DCAF6: variants seen among roughly 807,000 people sequenced by gnomAD.
DCAF6 encodes the protein DDB1- and CUL4-associated factor 6.
DCAF6 carries 54 observed loss-of-function variants against 125.1 expected under a neutral mutation model. The ratio of observed to expected loss-of-function variants is 0.43; its 90% CI spans 0.35 to 0.54. The LOEUF (loss-of-function observed/expected upper bound fraction) is 0.54. Ranked by LOEUF, DCAF6 falls within the 20% of genes least tolerant of loss-of-function variation. The probability of loss-of-function intolerance (pLI) is 0.01; values close to 1 mark genes in which losing one functional copy is unlikely to be tolerated. For synonymous variants in DCAF6, 371 were observed against 390.4 expected, an observed-to-expected ratio of 0.95 and a Z score of 0.58; for missense variants, 934 against 1,161.7, an observed-to-expected ratio of 0.80 and a Z score of 2.85.
chr1:168,035,391 G>A (rs1558008157), intron 12 of DCAF6, among the ~76,000 whole-genome samples: 1 of 152,130 alleles, frequency 6.6e-6, no homozygotes, highest in Admixed American at 6.5e-5. Context: ...AGGATGCAGC[G>A]AGCCATGATT....
chr1:167,976,886 GTTTTTTTTTTTTT>G (rs397981860), intron 4 of DCAF6, among the ~76,000 whole-genome samples: 25 of 38,064 alleles, frequency 6.6e-4, no homozygotes, highest in African/African-American at 8.2e-4. Flanking sequence ...TCCTTTAGCA[GTTTTTTTTTTTTT>G]TTTTTTTTTT....
intron 13 of DCAF6, among the ~76,000 whole-genome samples, chr1:168,041,885 G>C (rs966130612): frequency 2.7e-4 from 30 of 110,046 alleles, no homozygotes; most frequent in African/African-American, 1.1e-3. Context: ...AGAAATACAT[G>C]TTTGTCGCGC....
At chr1:167,974,472 G>A (rs1261447621) in intron 3 of DCAF6, among the ~76,000 whole-genome samples, 1 of 151,968 alleles carries the variant, frequency 6.6e-6, no homozygotes, top group Non-Finnish European at 1.5e-5. Flanking sequence ...ATCCTGAAAG[G>A]GAATAACTTA....
chr1:167,876,307 G>A, the DCAF6 span, among the ~76,000 whole-genome samples: 1 of 151,638 alleles, frequency 6.6e-6, no homozygotes, highest in African/African-American at 2.4e-5. Flanking sequence ...TGCCAGTGAG[G>A]AAATTCAGGC....
intron 14 of DCAF6, among the ~76,000 whole-genome samples, chr1:168,044,341 G>A (rs1688893567): frequency 6.6e-6 from 1 of 152,020 alleles, no homozygotes; most frequent in Admixed American, 6.6e-5. Context: ...ACAATAAAAA[G>A]GAACATAGAT....
the DCAF6 span, chr1:167,880,205 G>T: frequency 1.2e-6 from 2 of 1,606,274 alleles, no homozygotes; most frequent in South Asian, 1.1e-5. Context: ...GTGCAGGGGA[G>T]ACAAGATTTG....
chr1:167,932,181 A>T (rs1451268832), upstream of DCAF6, among the ~76,000 whole-genome samples: 1 of 152,230 alleles, frequency 6.6e-6, no homozygotes, highest in East Asian at 1.9e-4. Flanking sequence ...TAGACTCTTT[A>T]GAGCTGTGGT....
intron 7 of DCAF6, among the ~76,000 whole-genome samples, chr1:167,998,011 C>G (rs1682002362): frequency 6.6e-6 from 1 of 152,036 alleles, no homozygotes; most frequent in South Asian, 2.1e-4. Context: ...CAAGTTTTGA[C>G]AAACATGTAG....
At chr1:167,875,910 A>G in the DCAF6 span, among the ~76,000 whole-genome samples, 1 of 151,114 alleles carries the variant, frequency 6.6e-6, no homozygotes. Flanking sequence ...CCGAGATCGC[A>G]CCACTGCACT....
chr1:168,044,949 A>G lies in DCAF6; in HGVS notation c.1980A>G (p.Glu660=). The G allele has an allele frequency of 6.2e-7, 1 of 1,614,084 alleles. No homozygotes were observed. The highest frequency in any genetic ancestry group is 8.5e-7 in the Non-Finnish European group (1 of 1,179,960). ...TAKPLDSNSG[E]RNDLNLDRSC... Reference sequence around the variant, plus strand: ...AGCCATTGGATTCCAACTCAGGAGAAAGAAATGACCTCAATCTTGATCGCT... The same window carrying G: ...AGCCATTGGATTCCAACTCAGGAGAGAGAAATGACCTCAATCTTGATCGCT... Residue 660 remains glutamate (E), a synonymous_variant, in exon 16 of 22, where the codon GAA becomes GAG. Coordinates refer to ENST00000367840, the MANE Select transcript of DCAF6 (RefSeq NM_001198956.2).
the DCAF6 span, among the ~76,000 whole-genome samples, chr1:167,873,082 A>G: frequency 6.6e-6 from 1 of 152,070 alleles, no homozygotes; most frequent in Non-Finnish European, 1.5e-5. Context: ...AAGAAAAAAA[A>G]AAGAAATATC....
At chr1:168,061,035 A>G (rs1691525738) in intron 17 of DCAF6, among the ~76,000 whole-genome samples, 1 of 152,134 alleles carries the variant, frequency 6.6e-6, no homozygotes, top group African/African-American at 2.4e-5. Context: ...TGCTAATCAC[A>G]TGTTTGTAAC....
At chr1:168,000,115 C>T (rs1033082700) in intron 7 of DCAF6, among the ~76,000 whole-genome samples, 1 of 152,072 alleles carries the variant, frequency 6.6e-6, no homozygotes, top group Non-Finnish European at 1.5e-5. Context: ...TGTTGTGTCT[C>T]AAGAAATTGG....
intron 16 of DCAF6, among the ~76,000 whole-genome samples, chr1:168,048,246 C>A (rs1572089075): frequency 1.3e-5 from 2 of 152,076 alleles, no homozygotes; most frequent in East Asian, 3.9e-4. Flanking sequence ...TCTTAAAGTT[C>A]CCTCCATGCT....
intron 7 of DCAF6, among the ~76,000 whole-genome samples, chr1:168,001,450 T>G (rs924644160): frequency 1.3e-5 from 2 of 152,174 alleles, no homozygotes; most frequent in African/African-American, 4.8e-5. Context: ...AACTTGGCAA[T>G]TGATCATTCA....
chr1:168,013,810 G>A (rs1220085481), intron 10 of DCAF6, among the ~76,000 whole-genome samples: 4 of 152,044 alleles, frequency 2.6e-5, no homozygotes. Flanking sequence ...CAATGGTGCA[G>A]TCGTGGCTTA....
intron 1 of DCAF6, among the ~76,000 whole-genome samples, chr1:167,938,997 G>C (rs1412522039): frequency 2.0e-5 from 3 of 152,154 alleles, no homozygotes; most frequent in Admixed American, 2.0e-4. Flanking sequence ...TTTTAGATAT[G>C]ATAATATATA....
chr1:167,883,620 G>A, the DCAF6 span: 2 of 1,614,216 alleles, frequency 1.2e-6, no homozygotes, highest in African/African-American at 2.7e-5. Context: ...GAAGCTGTTT[G>A]TTATCAATCT....
intron 7 of DCAF6, among the ~76,000 whole-genome samples, chr1:167,997,976 CTA>C (rs1044100073): frequency 6.6e-6 from 1 of 151,890 alleles, no homozygotes; most frequent in Non-Finnish European, 1.5e-5. Context: ...ACTAGGATGA[CTA>C]AAATAAAAAA....
Sources: allele counts gnomAD v4.1 joint callset (sites outside exome capture counted in the v4.1 genomes callset), GRCh38; gene constraint gnomAD v4.1.1; transcripts MANE v1.5; gene names NCBI Gene and HGNC (gene_info 2026-07-23, HGNC 2026-07-21).